SPTLC2: variants seen among roughly 807,000 people sequenced by gnomAD.
SPTLC2 encodes the protein serine palmitoyltransferase 2.
In SPTLC2, 21 loss-of-function variants were observed where a neutral mutation model predicts 62.0. The observed-to-expected ratio is 0.34, with a 90% CI of 0.24 to 0.49. The LOEUF (loss-of-function observed/expected upper bound fraction) is 0.49, where lower values mean the gene tolerates loss of function less well. SPTLC2 is among the 20% of genes least tolerant of loss of function. SPTLC2 has a pLI of 0.99. For missense variants in SPTLC2, 511 were observed against 713.0 expected (o/e 0.72, Z 3.23); for synonymous variants, 261 against 261.8 (o/e 1.00, Z 0.03).
intron 9 of SPTLC2, among the ~76,000 whole-genome samples, chr14:77,535,091 C>A (rs1426850812): frequency 1.3e-5 from 2 of 152,156 alleles, no homozygotes; most frequent in African/African-American, 2.4e-5. Flanking sequence ...CCACACCTGG[C>A]TAATCTTGTA....
intron 9 of SPTLC2, among the ~76,000 whole-genome samples, chr14:77,538,482 A>G (rs1322319000): frequency 6.6e-6 from 1 of 152,256 alleles, no homozygotes; most frequent in Non-Finnish European, 1.5e-5. Context: ...CATACATCAA[A>G]GCAGTAATGC....
At chr14:77,522,256 C>T (rs1219700532) in intron 9 of SPTLC2, among the ~76,000 whole-genome samples, 1 of 151,986 alleles carries the variant, frequency 6.6e-6, no homozygotes, top group Admixed American at 6.6e-5. Flanking sequence ...CTCTGCTTCC[C>T]GGGTTCAAGC....
chr14:77,580,554 G>GAA (rs11322822), intron 2 of SPTLC2, among the ~76,000 whole-genome samples: 26,548 of 128,780 alleles, frequency 0.21, 2,665 homozygotes, highest in Middle Eastern at 0.33. Context: ...TTTTAAAAAA[G>GAA]AAAAAAAAAA....
chr14:77,578,789 T>C (rs971787555), intron 3 of SPTLC2, 166 bp downstream of exon 3: 6 of 620,382 alleles, frequency 9.7e-6, no homozygotes, highest in South Asian at 1.9e-5. Flanking sequence ...TAGAAAGATA[T>C]ATCTTAAAAA....
chr14:77,533,202 A>G (rs1163600542), intron 9 of SPTLC2, among the ~76,000 whole-genome samples: 1 of 150,838 alleles, frequency 6.6e-6, no homozygotes, highest in East Asian at 2.0e-4. Flanking sequence ...TGGGAGGCTG[A>G]GTCAGAAGAA....
At chr14:77,536,053 CAA>C (rs900100442) in intron 9 of SPTLC2, 6 of 421,566 alleles carry the variant, frequency 1.4e-5, no homozygotes, top group African/African-American at 1.3e-4. Context: ...GGGAAACCAG[CAA>C]AAAGGCTAAA....
intron 1 of SPTLC2, among the ~76,000 whole-genome samples, chr14:77,606,043 C>G (rs902932030): frequency 2.6e-5 from 4 of 152,236 alleles, no homozygotes; most frequent in Non-Finnish European, 5.9e-5. Flanking sequence ...TCGTCAAAAA[C>G]TTCTGCTGCC....
chr14:77,515,306 G>A (rs2079352952), intron 11 of SPTLC2, among the ~76,000 whole-genome samples: 1 of 152,064 alleles, frequency 6.6e-6, no homozygotes, highest in African/African-American at 2.4e-5. Context: ...TGCAAAAAAG[G>A]GCCAGTGGCT....
chr14:77,526,271 A>G (rs2079408824), intron 9 of SPTLC2, among the ~76,000 whole-genome samples: 1 of 152,192 alleles, frequency 6.6e-6, no homozygotes, highest in Non-Finnish European at 1.5e-5. Context: ...GCTCAGTCCC[A>G]AGGATTTTTC....
At chr14:77,590,206 C>T (rs567685820) in intron 2 of SPTLC2, among the ~76,000 whole-genome samples, 67 of 152,208 alleles carry the variant, frequency 4.4e-4, no homozygotes, top group Admixed American at 7.9e-4. Context: ...CAAACTCCTG[C>T]GCTCAAGCTA....
intron 8 of SPTLC2, among the ~76,000 whole-genome samples, chr14:77,554,335 T>C (rs1355842672): frequency 6.6e-6 from 1 of 152,074 alleles, no homozygotes; most frequent in East Asian, 1.9e-4. Flanking sequence ...ATATCCAGAG[T>C]TGTGCCACTT....
rs535554224 is a variant in SPTLC2 at position 77,506,632 on chromosome 14, G to A, written c.*5652C>T. On this transcript the variant is annotated 3_prime_UTR_variant, in exon 12 of 12. Transcript: ENST00000216484. ...AGGGTAAAGACACCACGCCACCCTA[G>A]TCAGTGACATGTACTCCACTTTCCA... is the stretch of plus-strand genomic sequence containing the variant. 5 of 152,324 alleles carry A rather than the reference G, an allele frequency of 3.3e-5. No homozygotes were observed. The highest frequency in any genetic ancestry group is 3.9e-4 in the East Asian group (2 of 5,188). The allele number at this position is 152,324 out of a possible 1,614,324, so 9.4% of individuals were successfully genotyped here. A position where few individuals can be genotyped will look rare whatever the true frequency, so the allele number is the denominator to read the frequency against.
intron 11 of SPTLC2, among the ~76,000 whole-genome samples, chr14:77,513,512 A>G (rs1407055346): frequency 6.6e-6 from 1 of 152,196 alleles, no homozygotes; most frequent in African/African-American, 2.4e-5. Context: ...CTCCACATGG[A>G]AACAATTTAA....
At chr14:77,549,472 C>T (rs1007161133) in intron 9 of SPTLC2, among the ~76,000 whole-genome samples, 1 of 152,278 alleles carries the variant, frequency 6.6e-6, no homozygotes, top group Non-Finnish European at 1.5e-5. Flanking sequence ...CATGAAGGTG[C>T]TCTGGTCAAC....
intron 9 of SPTLC2, among the ~76,000 whole-genome samples, chr14:77,524,070 T>C (rs2079397500): frequency 6.6e-6 from 1 of 151,742 alleles, no homozygotes; most frequent in African/African-American, 2.4e-5. Flanking sequence ...AGAAGAAACA[T>C]GAGGAGAGAA....
At chr14:77,561,621 A>T (rs921627397) in intron 6 of SPTLC2, among the ~76,000 whole-genome samples, 1 of 152,116 alleles carries the variant, frequency 6.6e-6, no homozygotes, top group Non-Finnish European at 1.5e-5. Flanking sequence ...CAAAAAAAAA[A>T]AAAAGAAAAT....
At chr14:77,603,432 G>GTACT (rs1287268207) in intron 1 of SPTLC2, among the ~76,000 whole-genome samples, 1 of 152,146 alleles carries the variant, frequency 6.6e-6, no homozygotes, top group East Asian at 1.9e-4. Flanking sequence ...TTACTGAAAT[G>GTACT]TACTGGCCTC....
intron 9 of SPTLC2, among the ~76,000 whole-genome samples, chr14:77,523,866 A>C (rs976920245): frequency 2.0e-5 from 3 of 152,208 alleles, no homozygotes; most frequent in East Asian, 1.9e-4. Flanking sequence ...GAAAACAACA[A>C]GATATAGAAA....
chr14:77,610,698 T>C (rs176899), intron 1 of SPTLC2, among the ~76,000 whole-genome samples: 13,622 of 152,002 alleles, frequency 0.09, 817 homozygotes, highest in Admixed American at 0.18. Flanking sequence ...GTGGCTGTAA[T>C]CCCAGCACTT....
Sources: gnomAD v4.1 joint callset for allele counts (sites outside exome capture counted in the v4.1 genomes callset) on GRCh38, gnomAD v4.1.1 for gene constraint, MANE v1.5 for transcripts, NCBI Gene and HGNC (gene_info 2026-07-23, HGNC 2026-07-21) for gene names.